SNX4: variants seen among roughly 807,000 people sequenced by gnomAD.
SNX4 encodes the protein sorting nexin 4.
A neutral mutation model predicts 70.8 loss-of-function variants in SNX4; 49 were observed. The ratio of observed to expected loss-of-function variants is 0.69; its 90% CI spans 0.55 to 0.88. SNX4 has a LOEUF of 0.88. Among genes scored for constraint, SNX4 ranks in the 40% least tolerant of loss-of-function variants. The pLI, the probability that SNX4 is intolerant of heterozygous loss-of-function variation, is 0.00. For synonymous variants in SNX4, 206 were observed against 183.8 expected, an observed-to-expected ratio of 1.12 and a Z score of -0.98; for missense variants, 528 against 544.8, an observed-to-expected ratio of 0.97 and a Z score of 0.31.
chr3:125,465,353 C>A (rs550654286), intron 9 of SNX4, among the ~76,000 whole-genome samples: 2 of 151,384 alleles, frequency 1.3e-5, no homozygotes, highest in African/African-American at 4.9e-5. Context: ...TCAAGTGATT[C>A]TCCTGCCTCA....
At chr3:125,494,950 G>A (rs1309570993) in intron 5 of SNX4, among the ~76,000 whole-genome samples, 2 of 152,164 alleles carry the variant, frequency 1.3e-5, no homozygotes, top group East Asian at 3.9e-4. Context: ...AGGCTCAGCT[G>A]TCAATTGTCA....
chr3:125,504,771 CA>C (rs1224180716), intron 1 of SNX4, 27 bp from the exon 2 acceptor site: 1 of 1,606,818 alleles, frequency 6.2e-7, no homozygotes, highest in Admixed American at 1.7e-5. Flanking sequence ...AAAACAACAA[CA>C]ACAACAAAAA....
intron 13 of SNX4, among the ~76,000 whole-genome samples, chr3:125,448,752 T>C (rs1933495568): frequency 7.0e-6 from 1 of 142,242 alleles, no homozygotes; most frequent in Admixed American, 7.5e-5. Flanking sequence ...CTCGGCTCAC[T>C]GCAAGCTCCA....
chr3:125,507,191 GAAAAAA>G (rs753584700), intron 1 of SNX4, among the ~76,000 whole-genome samples: 14 of 90,822 alleles, frequency 1.5e-4, no homozygotes, highest in African/African-American at 5.3e-4. Flanking sequence ...CTGGGTGATA[GAAAAAA>G]AAAAAAAAAA....
chr3:125,461,701 G>A (rs542874298), intron 9 of SNX4, among the ~76,000 whole-genome samples: 18 of 148,734 alleles, frequency 1.2e-4, no homozygotes, highest in South Asian at 2.1e-4. Context: ...TCACTTTGTC[G>A]CCCAGGCTGG....
Position 125,514,674 on chromosome 3 carries a change from G to A in SNX4, c.141+5358C>T, listed in dbSNP as rs563145325. Among the ~76,000 whole-genome samples the A allele has an allele frequency of 3.1e-4, 47 of 152,238 alleles. No individual in the cohort carries two copies. In the East Asian group the frequency reaches 6.8e-3, roughly 22 times the overall value. ...CCCAAAGTGCTGGGATTACAGGTGT[G>A]AGCCACTGTACCTGGCCTCCAAAAC... On this transcript the variant is annotated intron_variant, in intron 1 of 13. Coordinates refer to ENST00000251775, the MANE Select transcript of SNX4 (RefSeq NM_003794.4).
chr3:125,491,195 T>A (rs1182232658), intron 5 of SNX4, among the ~76,000 whole-genome samples: 1 of 152,172 alleles, frequency 6.6e-6, no homozygotes, highest in Non-Finnish European at 1.5e-5. Flanking sequence ...TTCTGGATCC[T>A]TCTTACATCT....
intron 1 of SNX4, among the ~76,000 whole-genome samples, chr3:125,512,124 C>T (rs1282692153): frequency 6.6e-6 from 1 of 151,978 alleles, no homozygotes; most frequent in Admixed American, 6.6e-5. Flanking sequence ...AATCATCAAC[C>T]AAAAGAAAGC....
At chr3:125,480,107 G>T in intron 7 of SNX4, 140 bp downstream of exon 7, 1 of 447,340 alleles carries the variant, frequency 2.2e-6, no homozygotes, top group Non-Finnish European at 4.0e-6. Context: ...AAAAAGTGCA[G>T]TTTGGATGAT....
At chr3:125,485,573 G>C (rs535675707) in intron 6 of SNX4, among the ~76,000 whole-genome samples, 90 of 152,132 alleles carry the variant, frequency 5.9e-4, no homozygotes, top group African/African-American at 2.2e-3. Flanking sequence ...GCTGGGATTA[G>C]AGACATGAGC....
chr3:125,470,022 C>T (rs1358880906), intron 8 of SNX4, among the ~76,000 whole-genome samples: 1 of 152,044 alleles, frequency 6.6e-6, no homozygotes, highest in African/African-American at 2.4e-5. Flanking sequence ...TAATAATAAT[C>T]ATATTACACA....
At chr3:125,502,271 A>T (rs1934944910) in intron 2 of SNX4, among the ~76,000 whole-genome samples, 1 of 152,280 alleles carries the variant, frequency 6.6e-6, no homozygotes, top group East Asian at 1.9e-4. Flanking sequence ...TACATATGTC[A>T]TGAAATGACC....
intron 1 of SNX4, among the ~76,000 whole-genome samples, chr3:125,510,972 G>A (rs1019817037): frequency 6.6e-6 from 1 of 152,218 alleles, no homozygotes; most frequent in Admixed American, 6.5e-5. Context: ...AGGCTGGAGT[G>A]CAATGGCACG....
rs770178489 is a variant in SNX4, at chr3:125,451,339, C to T, written c.1271G>A (p.Ser424Asn). 8.1e-6 allele frequency: 13 copies of T among 1,613,832 alleles called. No individual in the cohort carries two copies. Among genetic ancestry groups the T allele is most frequent in the Non-Finnish European group, 1.1e-5 (13 of 1,179,830 alleles). Reference protein sequence around the residue: ...KNRDLKEALISYAVMQISMCK... With the variant: ...KNRDLKEALINYAVMQISMCK... Reference sequence around the variant, plus strand: ...CATACTGATCTGCATGACTGCATAGCTTATGAGGGCCTCCTTTAAGTCTCG... The same window carrying T: ...CATACTGATCTGCATGACTGCATAGTTTATGAGGGCCTCCTTTAAGTCTCG... The change falls in exon 13 of 14, where the codon AGC becomes AAC. Residue 424 changes from serine to asparagine, a missense_variant. Around this residue, in one of 3 missense-constraint regions of SNX4, gnomAD observed 159 missense variants for 172.6 expected, o/e 0.92. Transcript: ENST00000251775.
intron 6 of SNX4, among the ~76,000 whole-genome samples, chr3:125,480,850 C>A (rs1344226709): frequency 1.3e-5 from 2 of 152,252 alleles, no homozygotes; most frequent in Admixed American, 6.5e-5. Flanking sequence ...AACTTACACA[C>A]TTCCCCATAT....
chr3:125,489,766 G>C (rs1934609842), intron 5 of SNX4, among the ~76,000 whole-genome samples: 1 of 152,106 alleles, frequency 6.6e-6, no homozygotes, highest in Admixed American at 6.5e-5. Flanking sequence ...AAGAGGTCAT[G>C]TGAAAACAGT....
chr3:125,453,010 G>T lies in SNX4; in HGVS notation c.1190+800C>A, dbSNP rs191146154. On this transcript the variant is annotated intron_variant, in intron 12 of 13. Coordinates refer to ENST00000251775, the MANE Select transcript of SNX4 (RefSeq NM_003794.4). ...ACCTCAAAACCCAAAATACACTCTT[G>T]GTCTGCCTTGGTCTATTCACTGACT... Among the ~76,000 whole-genome samples, 3 of 152,118 alleles carry T rather than the reference G, an allele frequency of 2.0e-5. No individual in the cohort carries two copies. The East Asian group carries it at 5.8e-4, about 29-fold the overall frequency.
intron 9 of SNX4, among the ~76,000 whole-genome samples, chr3:125,463,815 T>C (rs1017138759): frequency 2.6e-5 from 4 of 152,222 alleles, no homozygotes; most frequent in East Asian, 1.9e-4. Context: ...TTAAGATCTA[T>C]TTTTTGTCTT....
intron 1 of SNX4, among the ~76,000 whole-genome samples, chr3:125,515,009 G>A (rs1482782454): frequency 6.6e-6 from 1 of 151,900 alleles, no homozygotes; most frequent in Non-Finnish European, 1.5e-5. Context: ...ATCAGAAAGT[G>A]TTGCATGCAG....
Sources: allele counts gnomAD v4.1 joint callset (sites outside exome capture counted in the v4.1 genomes callset), GRCh38; gene constraint gnomAD v4.1.1; regional missense constraint gnomAD v4.1.1; transcripts MANE v1.5; gene names NCBI Gene and HGNC (gene_info 2026-07-23, HGNC 2026-07-21).